The following DPYSL3 variants were observed in gnomAD, a reference collection of about 807,000 sequenced individuals.
DPYSL3 encodes dihydropyrimidinase-related protein 3.
DPYSL3 carries 16 observed loss-of-function variants against 66.1 expected under a neutral mutation model. That is an observed-to-expected ratio of 0.24 (90% confidence interval 0.16 to 0.37). DPYSL3 has a LOEUF of 0.37. Among genes scored for constraint, DPYSL3 ranks in the 10% least tolerant of loss-of-function variants. DPYSL3 has a pLI of 1.00. For missense variants in DPYSL3, 738 were observed against 916.2 expected (o/e 0.81, Z 2.51); for synonymous variants, 338 against 345.1 (o/e 0.98, Z 0.23).
intron 1 of DPYSL3, among the ~76,000 whole-genome samples, chr5:147,506,064 A>G (rs1306424625): frequency 2.0e-5 from 3 of 152,146 alleles, no homozygotes; most frequent in Non-Finnish European, 4.4e-5. Context: ...TGAGGAAACG[A>G]CCTTTTGAGC....
chr5:147,502,613 G>A (rs1187636508), intron 1 of DPYSL3, among the ~76,000 whole-genome samples: 1 of 117,688 alleles, frequency 8.5e-6, no homozygotes, highest in Non-Finnish European at 1.6e-5. Context: ...GTCTCGCTCT[G>A]TCGCCCAGGC....
At chr5:147,460,923 G>A (rs958064418) in intron 1 of DPYSL3, among the ~76,000 whole-genome samples, 4 of 152,116 alleles carry the variant, frequency 2.6e-5, no homozygotes, top group South Asian at 2.1e-4. Flanking sequence ...TAATTTAGAC[G>A]TCTAGTCCTC....
At chr5:147,503,472 T>A (rs1753643323) in intron 1 of DPYSL3, among the ~76,000 whole-genome samples, 1 of 152,132 alleles carries the variant, frequency 6.6e-6, no homozygotes, top group South Asian at 2.1e-4. Context: ...TTTTAAATTA[T>A]TTTTAGAGAC....
chr5:147,430,797 C>T (rs151323707), intron 1 of DPYSL3, among the ~76,000 whole-genome samples: 1 of 152,224 alleles, frequency 6.6e-6, no homozygotes, highest in African/African-American at 2.4e-5. Context: ...TGAGAACATG[C>T]CTCTCAGAGA....
At chr5:147,436,877 T>G (rs1453146566) in intron 1 of DPYSL3, among the ~76,000 whole-genome samples, 3 of 152,156 alleles carry the variant, frequency 2.0e-5, no homozygotes, top group Non-Finnish European at 4.4e-5. Flanking sequence ...GAAAAAGGAC[T>G]AACAAAATTG....
intron 1 of DPYSL3, among the ~76,000 whole-genome samples, chr5:147,504,175 G>GT (rs1368823341): frequency 1.3e-5 from 2 of 152,166 alleles, no homozygotes; most frequent in African/African-American, 2.4e-5. Flanking sequence ...AGAATCAGCT[G>GT]TAAGAGTCAC....
At chr5:147,456,481 C>T (rs1386093919) in intron 1 of DPYSL3, among the ~76,000 whole-genome samples, 1 of 152,112 alleles carries the variant, frequency 6.6e-6, no homozygotes, top group Admixed American at 6.5e-5. Context: ...TACTCCATTC[C>T]AGTTGCTCAG....
intron 1 of DPYSL3, among the ~76,000 whole-genome samples, chr5:147,489,865 T>C (rs1753389272): frequency 6.6e-6 from 1 of 152,114 alleles, no homozygotes; most frequent in Non-Finnish European, 1.5e-5. Context: ...ATTTTCATTA[T>C]TTGGGTAATG....
At chr5:147,400,863 A>AG in intron 9 of DPYSL3, 30 bp from the exon 10 acceptor site, 1 of 1,606,364 alleles carries the variant, frequency 6.2e-7, no homozygotes, top group Non-Finnish European at 8.5e-7. Flanking sequence ...CCACATGAAC[A>AG]GGGGAGATGG....
At chr5:147,402,915 T>C (rs988452851) in intron 8 of DPYSL3, among the ~76,000 whole-genome samples, 12 of 152,218 alleles carry the variant, frequency 7.9e-5, no homozygotes, top group African/African-American at 2.2e-4. Context: ...AGTTTCTCTA[T>C]GCCAAAATCT....
chr5:147,430,332 C>T (rs1399392684), intron 1 of DPYSL3, among the ~76,000 whole-genome samples: 2 of 151,548 alleles, frequency 1.3e-5, no homozygotes, highest in African/African-American at 4.9e-5. Context: ...CCTGTATCTA[C>T]TAAAAATACA....
intron 1 of DPYSL3, among the ~76,000 whole-genome samples, chr5:147,449,582 C>A (rs766060306): frequency 6.6e-6 from 1 of 152,214 alleles, no homozygotes. Context: ...AGCTGCTGCA[C>A]CATGGCAGCC....
intron 1 of DPYSL3, among the ~76,000 whole-genome samples, chr5:147,487,885 G>C (rs1172713548): frequency 1.3e-5 from 2 of 151,970 alleles, no homozygotes; most frequent in East Asian, 3.9e-4. Flanking sequence ...TCCCACCCTG[G>C]AATCTCACTA....
chr5:147,415,920 G>C, intron 3 of DPYSL3, 47 bp from the exon 4 acceptor site: 2 of 1,594,684 alleles, frequency 1.3e-6, no homozygotes, highest in Non-Finnish European at 1.7e-6. Flanking sequence ...CACAGCCTTT[G>C]CTCCCCTCTG....
At chr5:147,423,080 A>T in intron 2 of DPYSL3, among the ~76,000 whole-genome samples, 1 of 152,228 alleles carries the variant, frequency 6.6e-6, no homozygotes, top group Non-Finnish European at 1.5e-5. Flanking sequence ...ATTTGGTAAC[A>T]AATTTTTCCC....
At chr5:147,418,672 T>C (rs775644275) in intron 2 of DPYSL3, 41 bp from the exon 3 acceptor site, 1 of 1,533,708 alleles carries the variant, frequency 6.5e-7, no homozygotes, top group South Asian at 1.3e-5. Flanking sequence ...AAACACTTGG[T>C]CATTTAAAAG....
At chr5:147,456,912 C>T (rs1464302271) in intron 1 of DPYSL3, among the ~76,000 whole-genome samples, 1 of 152,014 alleles carries the variant, frequency 6.6e-6, no homozygotes, top group African/African-American at 2.4e-5. Context: ...TTAAATGTAT[C>T]CAGACTATGG....
chr5:147,415,058 A>G (rs1414651479), intron 4 of DPYSL3, among the ~76,000 whole-genome samples: 1 of 152,136 alleles, frequency 6.6e-6, no homozygotes, highest in Non-Finnish European at 1.5e-5. Flanking sequence ...TCTGTTGATC[A>G]AAAAGAAGCA....
intron 1 of DPYSL3, among the ~76,000 whole-genome samples, chr5:147,492,805 C>A: frequency 6.6e-6 from 1 of 151,954 alleles, no homozygotes; most frequent in East Asian, 1.9e-4. Flanking sequence ...AATACATCAA[C>A]AAATACGGTA....
Sources: gnomAD v4.1 joint callset for allele counts (sites outside exome capture counted in the v4.1 genomes callset) on GRCh38, gnomAD v4.1.1 for gene constraint, MANE v1.5 for transcripts, NCBI Gene and HGNC (gene_info 2026-07-23, HGNC 2026-07-21) for gene names.